The following ARHGAP24 variants were observed in gnomAD, a reference collection of about 807,000 sequenced individuals.
ARHGAP24 encodes the protein rho GTPase-activating protein 24.
In ARHGAP24, 50 loss-of-function variants were observed where a neutral mutation model predicts 76.4. The ratio of observed to expected loss-of-function variants is 0.65; its 90% confidence interval spans 0.52 to 0.83. The LOEUF (loss-of-function observed/expected upper bound fraction) is 0.83. ARHGAP24 is among the 40% of genes least tolerant of loss of function. The pLI is 0.00. For synonymous variants in ARHGAP24, 345 were observed against 323.3 expected, an observed-to-expected ratio of 1.07 and a Z score of -0.72; for missense variants, 930 against 914.2, an observed-to-expected ratio of 1.02 and a Z score of -0.22.
intron 2 of ARHGAP24, among the ~76,000 whole-genome samples, chr4:85,582,619 T>C (rs768302127): frequency 1.3e-5 from 2 of 152,032 alleles, no homozygotes; most frequent in Non-Finnish European, 2.9e-5. Flanking sequence ...AAGATATGCC[T>C]ACAGAGACTG....
intron 1 of ARHGAP24, among the ~76,000 whole-genome samples, chr4:85,519,172 C>A (rs1225294064): frequency 6.6e-6 from 1 of 152,156 alleles, no homozygotes; most frequent in African/African-American, 2.4e-5. Flanking sequence ...TATTTATTTT[C>A]TGTGGCTTCC....
intron 5 of ARHGAP24, among the ~76,000 whole-genome samples, chr4:85,971,695 T>C (rs1477442922): frequency 6.6e-6 from 1 of 152,160 alleles, no homozygotes; most frequent in East Asian, 1.9e-4. Context: ...TGTTGTGCTA[T>C]CAAATACTAG....
chr4:85,839,035 T>C (rs1413465906), intron 3 of ARHGAP24, among the ~76,000 whole-genome samples: 1 of 152,226 alleles, frequency 6.6e-6, no homozygotes, highest in Non-Finnish European at 1.5e-5. Context: ...CTAATTACCT[T>C]AGATGGCATC....
intron 2 of ARHGAP24, among the ~76,000 whole-genome samples, chr4:85,599,987 G>A (rs1015527897): frequency 2.6e-5 from 4 of 151,924 alleles, no homozygotes; most frequent in Non-Finnish European, 4.4e-5. Context: ...ATTTTATTTG[G>A]GAAAACCATT....
At chr4:85,896,750 T>C (rs111941185) in intron 3 of ARHGAP24, among the ~76,000 whole-genome samples, 1,609 of 152,256 alleles carry the variant, frequency 0.011, 21 homozygotes, top group East Asian at 0.032. Context: ...AGTCATTCTT[T>C]CTGTTTGGGG....
chr4:85,646,883 T>G (rs1560567815), intron 2 of ARHGAP24, among the ~76,000 whole-genome samples: 2 of 152,130 alleles, frequency 1.3e-5, no homozygotes, highest in African/African-American at 2.4e-5. Context: ...ATACTATTAG[T>G]AAAGCCTTGT....
rs1353489199 is a variant in ARHGAP24 at position 85,906,830 on chromosome 4, A to AT, written c.269-16810dup. Among the ~76,000 whole-genome samples, 8 of 116,396 alleles carry AT rather than the reference A, an allele frequency of 6.9e-5. No homozygotes were observed. The South Asian group carries it at 8.2e-4, about 12-fold the overall frequency. The allele number at this position is 116,396 out of a possible 152,430, so 76.4% of individuals were successfully genotyped here. A position where few individuals can be genotyped will look rare whatever the true frequency, so the allele number is the denominator to read the frequency against. ...GAGGGATGAAAGACAAAAAGAAGAG[A>AT]TTTTTTTTATATTTAAACAGGAGCT... is the stretch of plus-strand genomic sequence containing the variant. On this transcript the variant is annotated intron_variant, in intron 3 of 9. Coordinates refer to ENST00000395184, the MANE Select transcript of ARHGAP24 (RefSeq NM_001025616.3).
At position 85,950,327 on chromosome 4, in the gene ARHGAP24, C is replaced by CAA. The variant is rs11382639; in HGVS notation, c.599+8063_599+8064dup. On this transcript the variant is annotated intron_variant, in intron 5 of 9. Coordinates refer to ENST00000395184, the MANE Select transcript of ARHGAP24 (RefSeq NM_001025616.3). ...GGACAATAAAGTGAGACTGTCTCTACAAAAAAAAAATCAAATTAAAAAACT... is the reference window on the plus strand; with the variant it reads ...GGACAATAAAGTGAGACTGTCTCTACAAAAAAAAAAAATCAAATTAAAAAACT... Among the ~76,000 whole-genome samples the CAA allele has an allele frequency of 2.5e-4, 37 of 149,508 alleles. No individual in the cohort carries two copies. In the Middle Eastern group the frequency reaches 0.01, roughly 42 times the overall value.
At chr4:85,994,530 A>G in intron 8 of ARHGAP24, 53 bp from the exon 9 acceptor site, 1 of 1,530,936 alleles carries the variant, frequency 6.5e-7, no homozygotes, top group Non-Finnish European at 9.1e-7. Context: ...ATTGAAATAG[A>G]AATAAATAAA....
At chr4:85,564,352 T>C (rs772904978) in intron 1 of ARHGAP24, among the ~76,000 whole-genome samples, 5 of 149,886 alleles carry the variant, frequency 3.3e-5, no homozygotes, top group Non-Finnish European at 5.9e-5. Context: ...ATGAGAACAC[T>C]TGGACACAGG....
intron 2 of ARHGAP24, among the ~76,000 whole-genome samples, chr4:85,681,652 A>G (rs1299559425): frequency 1.3e-5 from 2 of 152,216 alleles, no homozygotes; most frequent in African/African-American, 2.4e-5. Context: ...CTTTAAATAT[A>G]ATGATTCAGA....
chr4:85,490,938 T>C (rs1723329898), intron 1 of ARHGAP24, among the ~76,000 whole-genome samples: 1 of 152,240 alleles, frequency 6.6e-6, no homozygotes, highest in Admixed American at 6.5e-5. Flanking sequence ...TTCATATGTT[T>C]ATTCCAACAC....
chr4:85,922,853 A>T (rs1244607676), intron 3 of ARHGAP24, among the ~76,000 whole-genome samples: 2 of 152,182 alleles, frequency 1.3e-5, no homozygotes, highest in African/African-American at 2.4e-5. Flanking sequence ...CATGCTTTGG[A>T]AGTCTAGCAC....
intron 3 of ARHGAP24, among the ~76,000 whole-genome samples, chr4:85,893,707 G>C (rs1240273256): frequency 6.8e-6 from 1 of 147,454 alleles, no homozygotes; most frequent in Non-Finnish European, 1.5e-5. Flanking sequence ...CTTCTGGCTT[G>C]TAGGGTTTCT....
At chr4:85,549,418 C>T (rs530012014) in intron 1 of ARHGAP24, among the ~76,000 whole-genome samples, 1 of 151,748 alleles carries the variant, frequency 6.6e-6, no homozygotes, top group African/African-American at 2.4e-5. Context: ...GATGCTAGGA[C>T]TGTTTCATGA....
chr4:85,582,368 C>G (rs535090838), intron 2 of ARHGAP24, among the ~76,000 whole-genome samples: 1 of 152,142 alleles, frequency 6.6e-6, no homozygotes, highest in Non-Finnish European at 1.5e-5. Flanking sequence ...ATTTTACATG[C>G]AATTTTGATA....
intron 1 of ARHGAP24, among the ~76,000 whole-genome samples, chr4:85,496,467 C>A (rs912350598): frequency 2.0e-5 from 3 of 152,248 alleles, no homozygotes; most frequent in Admixed American, 6.5e-5. Flanking sequence ...CAACAGCAAA[C>A]AACTCTTCTC....
intron 3 of ARHGAP24, among the ~76,000 whole-genome samples, chr4:85,745,633 T>A (rs1209452444): frequency 6.6e-6 from 1 of 151,020 alleles, no homozygotes; most frequent in African/African-American, 2.4e-5. Context: ...AACAAGTACA[T>A]CCTGTGTACC....
intron 2 of ARHGAP24, among the ~76,000 whole-genome samples, chr4:85,667,839 G>C (rs1722691616): frequency 6.6e-6 from 1 of 152,140 alleles, no homozygotes; most frequent in Non-Finnish European, 1.5e-5. Context: ...TGATTCTCTT[G>C]AGGTTTACAA....
Sources: allele counts gnomAD v4.1 joint callset (sites outside exome capture counted in the v4.1 genomes callset), GRCh38; gene constraint gnomAD v4.1.1; transcripts MANE v1.5; gene names NCBI Gene and HGNC (gene_info 2026-07-23, HGNC 2026-07-21).